The following UTP11 variants were observed in gnomAD, a reference collection of about 807,000 sequenced individuals.
UTP11 encodes the protein UTP11 small subunit processome component, also known as probable U3 small nucleolar RNA-associated protein 11.
Under a neutral mutation model 39.0 loss-of-function variants are expected in UTP11, and 29 were observed. The observed-to-expected ratio is 0.74, with a 90% confidence interval of 0.55 to 1.01. The LOEUF is 1.01. UTP11 is among the 50% of genes least tolerant of loss of function. The pLI is 0.00. For synonymous variants in UTP11, 111 were observed against 105.0 expected (o/e 1.06, Z -0.35); for missense variants, 281 against 306.0 (o/e 0.92, Z 0.61).
chr1:38,021,244 G>A (rs550161044), intron 6 of UTP11, among the ~76,000 whole-genome samples: 23 of 152,252 alleles, frequency 1.5e-4, no homozygotes, highest in East Asian at 1.2e-3. Flanking sequence ...TCAATTAGCC[G>A]TGTCACTGAC....
At position 38,016,414 on chromosome 1, in the gene UTP11, G is replaced by A. The variant is rs1646707439; in HGVS notation, c.119G>A (p.Arg40His). The change falls in exon 2 of 8, where the codon CGT becomes CAT. Residue 40 changes from arginine to histidine, a missense_variant. Physicochemically the swap from Arg to His is conservative, Grantham distance 29. Coordinates refer to ENST00000373014, the MANE Select transcript of UTP11 (RefSeq NM_016037.4). ...LLEKKKDYKLRADDYRKKQEY... is the reference protein window; with the variant it reads ...LLEKKKDYKLHADDYRKKQEY... ...GAGAAAAAGAAAGATTACAAACTTC[G>A]TGCAGAGTGAGTTCAGTCTTTCTGG... 2 of 1,614,080 alleles carry A rather than the reference G, an allele frequency of 1.2e-6. No individual in the cohort carries two copies. Among genetic ancestry groups the A allele is most frequent in the Non-Finnish European group, 1.7e-6 (2 of 1,179,968 alleles).
chr1:38,019,466 T>G (rs1646725108), intron 6 of UTP11, 83 bp downstream of exon 6: 2 of 1,187,496 alleles, frequency 1.7e-6, no homozygotes, highest in Non-Finnish European at 2.2e-6. Flanking sequence ...TGCTACTGCA[T>G]TTAAAATAAT....
chr1:38,023,031 C>G (rs987934234), intron 7 of UTP11, among the ~76,000 whole-genome samples: 2 of 152,138 alleles, frequency 1.3e-5, no homozygotes, highest in Non-Finnish European at 2.9e-5. Context: ...TGCTTTGGAA[C>G]AGCAAAGGGT....
chr1:38,021,894 GAAAAA>G (rs535193600), intron 6 of UTP11, among the ~76,000 whole-genome samples: 2 of 129,600 alleles, frequency 1.5e-5, no homozygotes, highest in African/African-American at 5.7e-5. Flanking sequence ...CTCCGCCTCA[GAAAAA>G]AAAAAAAAAG....
chr1:38,018,483 A>G lies in UTP11; in HGVS notation c.248A>G (p.Lys83Arg), dbSNP rs745896124. 4 of 1,612,512 alleles carry G rather than the reference A, an allele frequency of 2.5e-6. No homozygotes were observed. In the Admixed American group the frequency reaches 5.0e-5, roughly 20 times the overall value. Residue 83 changes from lysine (K) to arginine (R), a missense_variant, in exon 4 of 8, where the codon AAG (lysine) becomes AGG (arginine). Physicochemically the swap from Lys to Arg is conservative, Grantham distance 26. Transcript: ENST00000373014. ...TTTTAGGATGGAGTACATATTATTA[A>G]GGAGACTAAGGAAGAAGTAACCCCA... is the stretch of plus-strand genomic sequence containing the variant. ...VKLQDGVHII[K>R]ETKEEVTPEQ...
intron 2 of UTP11, chr1:38,016,668 C>A: frequency 2.3e-6 from 1 of 435,812 alleles, no homozygotes. Context: ...AGATCATTTT[C>A]TCATAGTGGC....
chr1:38,019,053 T>G lies in UTP11; in HGVS notation c.343-6T>G, dbSNP rs1646722244. Reference sequence around the variant, plus strand: ...ATATAAAGTGAGACCATATTCTGTGTTCTAGAAAATCGAAAGACTAAAATC... The same window carrying G: ...ATATAAAGTGAGACCATATTCTGTGGTCTAGAAAATCGAAAGACTAAAATC... On this transcript the variant is annotated splice_region_variant and splice_polypyrimidine_tract_variant and intron_variant, in intron 4 of 7. Transcript: ENST00000373014. The G allele has an allele frequency of 6.2e-7, 1 of 1,611,798 alleles. No individual in the cohort carries two copies. Among genetic ancestry groups the G allele is most frequent in the Non-Finnish European group, 8.5e-7 (1 of 1,178,650 alleles).
rs571412815 is a variant in UTP11, at chr1:38,023,624, G to A, written c.758G>A (p.Arg253His). 15 of 1,608,854 alleles carry A rather than the reference G, an allele frequency of 9.3e-6. No individual in the cohort carries two copies. The highest frequency in any genetic ancestry group is 1.2e-5 in the Non-Finnish European group (14 of 1,178,014). The change falls in exon 8 of 8, where the codon CGT becomes CAT. Residue 253 changes from arginine to histidine, a missense_variant. Coordinates refer to ENST00000373014, the MANE Select transcript of UTP11 (RefSeq NM_016037.4). ...AIYKFQSRRK[R>H] The stretch of plus-strand genomic sequence containing the variant: ...TATAAATTTCAGAGTCGTCGAAAAC[G>A]TTGACGTGTTATAGATAAGCCTTGT...
intron 3 of UTP11, among the ~76,000 whole-genome samples, 155 bp downstream of exon 3, chr1:38,017,925 TC>T (rs1302311580): frequency 5.9e-5 from 9 of 152,286 alleles, no homozygotes; most frequent in Middle Eastern, 6.8e-3. Flanking sequence ...ACCCTCCACT[TC>T]CAGAGGAGCG....
At chr1:38,022,671 A>G (rs1646744895) in intron 6 of UTP11, 28 bp from the exon 7 acceptor site, 1 of 1,508,602 alleles carries the variant, frequency 6.6e-7, no homozygotes, top group Non-Finnish European at 9.2e-7. Flanking sequence ...TTCATTGTTC[A>G]CTGAGAATGT....
At chr1:38,014,928 G>A (rs1025944324) in intron 1 of UTP11, among the ~76,000 whole-genome samples, 1 of 152,178 alleles carries the variant, frequency 6.6e-6, no homozygotes, top group Non-Finnish European at 1.5e-5. Context: ...GCAAGTGTGA[G>A]CCTGGCCTTA....
At chr1:38,014,456 T>C (rs1646696294) in intron 1 of UTP11, among the ~76,000 whole-genome samples, 1 of 152,220 alleles carries the variant, frequency 6.6e-6, no homozygotes, top group Admixed American at 6.5e-5. Context: ...CGTAAACTAT[T>C]TCAGATACAA....
intron 2 of UTP11, 67 bp from the exon 3 acceptor site, chr1:38,017,601 T>G: frequency 7.7e-7 from 1 of 1,290,494 alleles, no homozygotes; most frequent in South Asian, 1.6e-5. Flanking sequence ...TTATTGTGGG[T>G]TTTTGGTTTT....
chr1:38,022,804 C>T lies in UTP11; in HGVS notation c.673C>T (p.Leu225Phe), dbSNP rs1319683443. Reference protein sequence around the residue: ...IAQKIQTRKDLMDKTQKVKVK... With the variant: ...IAQKIQTRKDFMDKTQKVKVK... Reference sequence around the variant, plus strand: ...TCAGAAAATTCAAACACGCAAAGATCTTATGGTGAGGAGAGAGAGCCTTAG... The same window carrying T: ...TCAGAAAATTCAAACACGCAAAGATTTTATGGTGAGGAGAGAGAGCCTTAG... The change falls in exon 7 of 8, where the codon CTT (leucine) becomes TTT (phenylalanine). Residue 225 changes from leucine to phenylalanine, a missense_variant. Physicochemically the swap from Leu to Phe is conservative, Grantham distance 22 (BLOSUM62 0). Transcript: ENST00000373014. 17 of 1,606,658 alleles carry T rather than the reference C, an allele frequency of 1.1e-5. No homozygotes were observed. The highest frequency in any genetic ancestry group is 1.4e-5 in the Non-Finnish European group (17 of 1,174,410).
Position 38,022,885 on chromosome 1 carries a change from A to G in UTP11, c.678+76A>G, listed in dbSNP as rs1179493669. 1.5e-5 allele frequency: 15 copies of G among 1,014,204 alleles called. No homozygotes were observed. The East Asian group carries it at 2.1e-4, about 14-fold the overall frequency. 62.8% of individuals were successfully genotyped at this position (1,014,204 alleles called of 1,614,324 possible). A position where few individuals can be genotyped will look rare whatever the true frequency, so the allele number is the denominator to read the frequency against. ...TCTTGTAAAGGTCTTAACTCAGACT[A>G]GATTTCAGCTGTGTGTAAATCAACC... On this transcript the variant is annotated intron_variant, in intron 7 of 7. Coordinates refer to ENST00000373014, the MANE Select transcript of UTP11 (RefSeq NM_016037.4).
intron 4 of UTP11, 32 bp downstream of exon 4, chr1:38,018,609 T>C (rs1374063576): frequency 6.5e-7 from 1 of 1,529,198 alleles, no homozygotes; most frequent in Non-Finnish European, 8.9e-7. Context: ...TTGGTTTTAT[T>C]GGTTAAGAAG....
chr1:38,012,843 G>C lies in UTP11; in HGVS notation c.41G>C (p.Arg14Pro), dbSNP rs779300481. ...CGGAAGGCGGCTAAGTCCCGGCAGC[G>C]GGAACACAGAGAGCGAAGCCAGGTA... The part of the protein sequence containing the change: ...AFRKAAKSRQ[R>P]EHRERSQPGF... The change falls in exon 1 of 8, where the codon CGG (arginine) becomes CCG (proline). Residue 14 changes from arginine (R) to proline (P), a missense_variant. Physicochemically the swap from Arg to Pro is moderately radical, Grantham distance 103. Coordinates refer to ENST00000373014, the MANE Select transcript of UTP11 (RefSeq NM_016037.4). 6.2e-6 allele frequency: 10 copies of C among 1,614,100 alleles called. No individual in the cohort carries two copies. The highest frequency in any genetic ancestry group is 8.5e-6 in the Non-Finnish European group (10 of 1,180,054).
rs75920627 is a variant in UTP11, at chr1:38,013,140, G to A, written c.63+275G>A. Reference sequence around the variant, plus strand: ...TTTCAGTGTGGTGATTGAGTAAGATGTCTGTCAAGTGCCTGGTCTCTTCTG... The same window carrying A: ...TTTCAGTGTGGTGATTGAGTAAGATATCTGTCAAGTGCCTGGTCTCTTCTG... On this transcript the variant is annotated intron_variant, in intron 1 of 7. Transcript: ENST00000373014. 1.3e-3 allele frequency among the ~76,000 whole-genome samples: 194 copies of A among 152,348 alleles called. 2 individuals are homozygous for A. Among genetic ancestry groups the A allele is most frequent in the African/African-American group, 4.3e-3 (180 of 41,576 alleles).
intron 1 of UTP11, among the ~76,000 whole-genome samples, chr1:38,015,215 T>C (rs1013145713): frequency 6.6e-6 from 1 of 151,998 alleles, no homozygotes; most frequent in Non-Finnish European, 1.5e-5. Context: ...AGAGGTGGAG[T>C]TTCACCAGGT....
Sources: gnomAD v4.1 joint callset for allele counts (sites outside exome capture counted in the v4.1 genomes callset) on GRCh38, gnomAD v4.1.1 for gene constraint, MANE v1.5 for transcripts, NCBI Gene and HGNC (gene_info 2026-07-23, HGNC 2026-07-21) for gene names.